Variants in STARD13 observed in about 807,000 individuals in gnomAD.
STARD13 encodes StAR related lipid transfer domain containing 13.
STARD13 carries 62 observed loss-of-function variants against 106.4 expected under a neutral mutation model. That is an observed-to-expected ratio of 0.58 (90% confidence interval 0.48 to 0.72). The LOEUF (loss-of-function observed/expected upper bound fraction) is 0.72. Among genes scored for constraint, STARD13 ranks in the 30% least tolerant of loss-of-function variants. The pLI, the probability that STARD13 is intolerant of heterozygous loss-of-function variation, is 0.00. For synonymous variants in STARD13, 565 were observed against 553.0 expected (o/e 1.02, Z -0.31); for missense variants, 1,387 against 1,424.0 (o/e 0.97, Z 0.42).
chr13:33,422,152 A>G, the STARD13 span, among the ~76,000 whole-genome samples: 3 of 152,328 alleles, frequency 2.0e-5, no homozygotes, highest in South Asian at 6.2e-4. Flanking sequence ...GAGGAAGTCA[A>G]ACTGTGCCTG....
chr13:33,466,362 A>G, the STARD13 span, among the ~76,000 whole-genome samples: 3 of 152,232 alleles, frequency 2.0e-5, 1 homozygote, highest in East Asian at 5.8e-4. Flanking sequence ...TTTAGAGACT[A>G]GTGTAATAAA....
chr13:33,331,607 C>G (rs1032268868), intron 1 of STARD13, among the ~76,000 whole-genome samples: 14 of 150,630 alleles, frequency 9.3e-5, no homozygotes, highest in African/African-American at 3.4e-4. Context: ...CTTAGGTGGT[C>G]CACCTGCCTC....
the STARD13 span, among the ~76,000 whole-genome samples, chr13:33,544,594 CCT>C: frequency 1.3e-5 from 2 of 152,060 alleles, no homozygotes; most frequent in Non-Finnish European, 1.5e-5. Flanking sequence ...TAAGCTTCCC[CCT>C]CTCTGCTCTA....
At chr13:33,673,143 G>A in the STARD13 span, among the ~76,000 whole-genome samples, 1 of 152,148 alleles carries the variant, frequency 6.6e-6, no homozygotes. Flanking sequence ...TCAAGGAAAT[G>A]GCTTGACTTC....
At chr13:33,452,461 G>C in the STARD13 span, among the ~76,000 whole-genome samples, 1 of 152,164 alleles carries the variant, frequency 6.6e-6, no homozygotes. Context: ...CCTCCAACTA[G>C]TCCCTAGTTA....
At chr13:33,306,447 C>G (rs758595190) in intron 1 of STARD13, among the ~76,000 whole-genome samples, 10 of 152,098 alleles carry the variant, frequency 6.6e-5, no homozygotes, top group Non-Finnish European at 1.5e-4. Flanking sequence ...ACATCAAAAA[C>G]AATTGCAACA....
chr13:33,197,985 A>G (rs1026283023), intron 1 of STARD13, among the ~76,000 whole-genome samples: 1 of 152,182 alleles, frequency 6.6e-6, no homozygotes. Flanking sequence ...ACTGGCTAAC[A>G]TGGTAAAACC....
At chr13:33,467,663 C>G in the STARD13 span, among the ~76,000 whole-genome samples, 1 of 152,088 alleles carries the variant, frequency 6.6e-6, no homozygotes, top group Non-Finnish European at 1.5e-5. Context: ...GCGTGGTGAC[C>G]AGTTGGAAAT....
rs58127452 is a variant in STARD13, at chr13:33,176,061, G to A, written c.170-8439C>T. On this transcript the variant is annotated intron_variant, in intron 1 of 13. Coordinates refer to ENST00000336934, the MANE Select transcript of STARD13 (RefSeq NM_178006.4). ...TTTTCAATTCCTTTGCTCCTTTTGG[G>A]GTTGACATGGCAAGATAGATACAGC... 3.0e-3 allele frequency among the ~76,000 whole-genome samples: 454 copies of A among 152,228 alleles called. 3 individuals are homozygous for A. The highest frequency in any genetic ancestry group is 0.01 in the African/African-American group (421 of 41,520).
chr13:33,438,012 C>T, the STARD13 span, among the ~76,000 whole-genome samples: 1 of 152,306 alleles, frequency 6.6e-6, no homozygotes, highest in East Asian at 1.9e-4. Flanking sequence ...TAAACCACTT[C>T]AGAGCCTCCA....
intron 1 of STARD13, among the ~76,000 whole-genome samples, chr13:33,240,199 C>T (rs771570050): frequency 8.5e-5 from 13 of 152,134 alleles, no homozygotes; most frequent in Admixed American, 1.3e-4. Context: ...ACCGTATACA[C>T]GAGGATTTGT....
At chr13:33,182,942 C>T (rs1186945557) in intron 1 of STARD13, among the ~76,000 whole-genome samples, 7 of 152,258 alleles carry the variant, frequency 4.6e-5, no homozygotes, top group African/African-American at 1.4e-4. Flanking sequence ...CGTGCAGTCA[C>T]GTGAAGCTGC....
At chr13:33,126,346 C>T in intron 6 of STARD13, 106 bp from the exon 7 acceptor site, 2 of 1,066,090 alleles carry the variant, frequency 1.9e-6, no homozygotes, top group Non-Finnish European at 2.8e-6. Context: ...GAATACCCAA[C>T]AGATGCGGGG....
chr13:33,560,244 AC>A, the STARD13 span, among the ~76,000 whole-genome samples: 1 of 151,572 alleles, frequency 6.6e-6, no homozygotes, highest in Non-Finnish European at 1.5e-5. Flanking sequence ...ATTAGTTCTT[AC>A]CTTTAAATGA....
chr13:33,393,797 C>A, the STARD13 span, among the ~76,000 whole-genome samples: 2 of 152,178 alleles, frequency 1.3e-5, no homozygotes, highest in Admixed American at 6.5e-5. Flanking sequence ...TGACCAAGGT[C>A]TATTGGATAC....
chr13:33,524,384 T>A, the STARD13 span: 1,611 of 672,836 alleles, frequency 2.4e-3, 25 homozygotes, highest in African/African-American at 0.028. Flanking sequence ...TGTAAAAAAA[T>A]TTTTTAAAGA....
chr13:33,494,564 C>G, the STARD13 span, among the ~76,000 whole-genome samples: 1 of 152,050 alleles, frequency 6.6e-6, no homozygotes, highest in Admixed American at 6.6e-5. Context: ...ATGGGCTTTC[C>G]CGGCTTATTT....
chr13:33,415,798 A>C, the STARD13 span, among the ~76,000 whole-genome samples: 1 of 152,238 alleles, frequency 6.6e-6, no homozygotes, highest in Non-Finnish European at 1.5e-5. Flanking sequence ...TAAGCTATAA[A>C]AACTAAGCGA....
At chr13:33,653,969 C>T in the STARD13 span, among the ~76,000 whole-genome samples, 1 of 152,112 alleles carries the variant, frequency 6.6e-6, no homozygotes, top group Non-Finnish European at 1.5e-5. Context: ...CAAATCAAAA[C>T]CACAATGAGA....
Sources: gnomAD v4.1 joint callset for allele counts (sites outside exome capture counted in the v4.1 genomes callset) on GRCh38, gnomAD v4.1.1 for gene constraint, MANE v1.5 for transcripts, NCBI Gene and HGNC (gene_info 2026-07-23, HGNC 2026-07-21) for gene names.